Variants in UBN2 observed in about 807,000 individuals in gnomAD.
The protein encoded by UBN2 is ubinuclein-2.
A neutral mutation model predicts 120.2 loss-of-function variants in UBN2; 35 were observed. The observed-to-expected ratio is 0.29, with a 90% confidence interval of 0.22 to 0.39. The LOEUF is 0.39. Among genes scored for constraint, UBN2 ranks in the 10% least tolerant of loss-of-function variants. The pLI is 1.00. For missense variants in UBN2, 1,693 were observed against 1,663.2 expected, an observed-to-expected ratio of 1.02 and a Z score of -0.31; for synonymous variants, 661 against 648.7, an observed-to-expected ratio of 1.02 and a Z score of -0.29.
At chr7:139,321,138 T>C in the UBN2 span, among the ~76,000 whole-genome samples, 1 of 152,212 alleles carries the variant, frequency 6.6e-6, no homozygotes, top group Admixed American at 6.5e-5. Context: ...AGGTGCCAAG[T>C]ACTTCCACAT....
At chr7:139,277,784 A>G (rs964253639) in intron 12 of UBN2, 3 of 152,224 alleles carry the variant, frequency 2.0e-5, no homozygotes, top group African/African-American at 7.2e-5. Flanking sequence ...CTCAGACAAT[A>G]TACTCCAAGA....
intron 15 of UBN2, among the ~76,000 whole-genome samples, 154 bp from the exon 16 acceptor site, chr7:139,293,078 A>G (rs1307022162): frequency 6.6e-6 from 1 of 152,170 alleles, no homozygotes; most frequent in African/African-American, 2.4e-5. Flanking sequence ...AACAGCGTCT[A>G]AGGAACCTAC....
chr7:139,234,067 A>G (rs909760003), intron 1 of UBN2, among the ~76,000 whole-genome samples: 1 of 152,154 alleles, frequency 6.6e-6, no homozygotes, highest in Non-Finnish European at 1.5e-5. Flanking sequence ...GCAAGAAAGC[A>G]TAGAAAACAT....
chr7:139,291,669 A>C (rs913090559), intron 15 of UBN2, among the ~76,000 whole-genome samples: 5 of 151,848 alleles, frequency 3.3e-5, no homozygotes, highest in African/African-American at 1.2e-4. Flanking sequence ...TGAGCAACAC[A>C]GACCCCATCT....
intron 6 of UBN2, among the ~76,000 whole-genome samples, chr7:139,263,060 G>C (rs1324173604): frequency 6.6e-6 from 1 of 152,168 alleles, no homozygotes; most frequent in Non-Finnish European, 1.5e-5. Flanking sequence ...TGAGCATGAA[G>C]TCAGACACAT....
At position 139,258,610 on chromosome 7, in the gene UBN2, GCA is replaced by G; in HGVS notation, c.789_790del (p.His263GlnfsTer12). The G allele has an allele frequency of 6.3e-7, 1 of 1,597,916 alleles. No homozygotes were observed. The highest frequency in any genetic ancestry group is 1.1e-5 in the South Asian group (1 of 88,456). On this transcript the variant is annotated frameshift_variant, in exon 4 of 18. Coordinates refer to ENST00000473989, the MANE Select transcript of UBN2 (RefSeq NM_173569.4). LOFTEE classifies it high-confidence loss of function. ...AAGATGATATTACAGACAACCAAAAGCACAAGCCACCCAAGGTGAGTTTATCA... is the reference window on the plus strand; with the variant it reads ...AAGATGATATTACAGACAACCAAAAGCAAGCCACCCAAGGTGAGTTTATCA... Reference protein sequence around the residue: ...EEDDITDNQKHKPPKVPKIKE... With the variant: ...EEDDITDNQKXKPPKVPKIKE...
the UBN2 span, among the ~76,000 whole-genome samples, chr7:139,328,971 T>C: frequency 0.38 from 57,476 of 151,936 alleles, 15,047 homozygotes; most frequent in African/African-American, 0.75. Flanking sequence ...TCAGGCAGGC[T>C]GAGATGGCTC....
At position 139,283,448 on chromosome 7, in the gene UBN2, C is replaced by T; in HGVS notation, c.2543C>T (p.Ala848Val). 2 of 1,614,130 alleles carry T rather than the reference C, an allele frequency of 1.2e-6. No individual in the cohort carries two copies. Among genetic ancestry groups the T allele is most frequent in the East Asian group, 2.2e-5 (1 of 44,884 alleles). ...GTACCAAAGAAACCCCAGGATTTAG[C>T]TCATACTGGCATCTCTTCAGGCCTT... Reference protein sequence around the residue: ...GPVPKKPQDLAHTGISSGLIA... With the variant: ...GPVPKKPQDLVHTGISSGLIA... Residue 848 changes from alanine to valine, a missense_variant, in exon 15 of 18, where the codon GCT becomes GTT. Ala to Val is a moderately conservative substitution (Grantham distance 64, BLOSUM62 0). Transcript: ENST00000473989.
chr7:139,254,428 A>G (rs1418494273), intron 3 of UBN2, among the ~76,000 whole-genome samples: 1 of 152,240 alleles, frequency 6.6e-6, no homozygotes, highest in Non-Finnish European at 1.5e-5. Flanking sequence ...AAGGTTGTCA[A>G]CCAATAAATC....
chr7:139,266,839 CAAATG>C (rs1797113223), intron 7 of UBN2, among the ~76,000 whole-genome samples: 1 of 151,810 alleles, frequency 6.6e-6, no homozygotes, highest in Admixed American at 6.6e-5. Context: ...CTTTTATAGT[CAAATG>C]GAAAGTACAG....
Position 139,303,550 on chromosome 7 carries a change from C to T in UBN2, c.*5714C>T, listed in dbSNP as rs922718900. On this transcript the variant is annotated 3_prime_UTR_variant, in exon 18 of 18. Transcript: ENST00000473989. ...TATGTCTAGGGGGAATATTGTTTAA[C>T]CTTCGTGCCTCAGATTACCCATTAG... is the stretch of plus-strand genomic sequence containing the variant. 1 of 152,168 alleles carries T rather than the reference C, an allele frequency of 6.6e-6. No individual in the cohort carries two copies. Among genetic ancestry groups the T allele is most frequent in the Non-Finnish European group, 1.5e-5 (1 of 68,020 alleles). 9.4% of individuals were successfully genotyped at this position (152,168 alleles called of 1,614,324 possible). A position where few individuals can be genotyped will look rare whatever the true frequency, so the allele number is the denominator to read the frequency against.
intron 1 of UBN2, among the ~76,000 whole-genome samples, chr7:139,232,826 T>C (rs1289743238): frequency 6.6e-6 from 1 of 152,228 alleles, no homozygotes; most frequent in East Asian, 1.9e-4. Context: ...GGTATGCTTT[T>C]GATGTAAGAG....
rs914752747 is a variant in UBN2 at position 139,307,627 on chromosome 7, A to G, written c.*9791A>G. Reference sequence around the variant, plus strand: ...TTCCAGCTCAAATCGGAGCAGGAATATGGACAAACTGCTGCTACTGAACCC... The same window carrying G: ...TTCCAGCTCAAATCGGAGCAGGAATGTGGACAAACTGCTGCTACTGAACCC... On this transcript the variant is annotated 3_prime_UTR_variant, in exon 18 of 18. Coordinates refer to ENST00000473989, the MANE Select transcript of UBN2 (RefSeq NM_173569.4). 3.3e-5 allele frequency: 5 copies of G among 152,202 alleles called. No homozygotes were observed. The highest frequency in any genetic ancestry group is 7.3e-5 in the Non-Finnish European group (5 of 68,070). The allele number at this position is 152,202 out of a possible 1,614,324, so 9.4% of individuals were successfully genotyped here. A position where few individuals can be genotyped will look rare whatever the true frequency, so the allele number is the denominator to read the frequency against.
In UBN2 at chr7:139,275,725, G is replaced by C. The variant is rs528004538; in HGVS notation, c.1974-372G>C. On this transcript the variant is annotated intron_variant, in intron 11 of 17. Coordinates refer to ENST00000473989, the MANE Select transcript of UBN2 (RefSeq NM_173569.4). ...TCACCCCTATAATCTCAGCACTTTA[G>C]GAGGCCAAGGGCCACAGTGAGAGGA... Among the ~76,000 whole-genome samples, 17 of 152,266 alleles carry C rather than the reference G, an allele frequency of 1.1e-4. 1 individual carries two copies. The South Asian group carries it at 3.5e-3, about 32-fold the overall frequency.
chr7:139,317,901 G>T, the UBN2 span, among the ~76,000 whole-genome samples: 2 of 152,158 alleles, frequency 1.3e-5, no homozygotes, highest in African/African-American at 4.8e-5. Flanking sequence ...GACCTCAGGT[G>T]ACCCACCCGC....
At chr7:139,297,434 G>A (rs187012495) in intron 17 of UBN2, among the ~76,000 whole-genome samples, 2 of 152,046 alleles carry the variant, frequency 1.3e-5, no homozygotes, top group Non-Finnish European at 2.9e-5. Context: ...GTTGAAAGAT[G>A]TAGTGGGTCC....
chr7:139,278,859 T>C (rs957750487), intron 12 of UBN2, among the ~76,000 whole-genome samples: 1 of 152,172 alleles, frequency 6.6e-6, no homozygotes, highest in African/African-American at 2.4e-5. Flanking sequence ...GTTTCAAGAT[T>C]CCATAGTAAT....
chr7:139,315,709 A>G, the UBN2 span, among the ~76,000 whole-genome samples: 2 of 152,188 alleles, frequency 1.3e-5, no homozygotes, highest in African/African-American at 4.8e-5. Context: ...AGGAACTACC[A>G]AACTCTTTTC....
chr7:139,284,270 A>G lies in UBN2; in HGVS notation c.3365A>G (p.Gln1122Arg), dbSNP rs1490543799. The G allele has an allele frequency of 1.2e-6, 2 of 1,614,084 alleles. No homozygotes were observed. Among genetic ancestry groups the G allele is most frequent in the Non-Finnish European group, 1.7e-6 (2 of 1,180,044 alleles). ...CCCAGTGGAATGAACATCAGCAGAC[A>G]GTCTCCCACCTTGAATTTATTGCCC... Reference protein sequence around the residue: ...KQPSGMNISRQSPTLNLLPSS... With the variant: ...KQPSGMNISRRSPTLNLLPSS... The change falls in exon 15 of 18, where the codon CAG (glutamine) becomes CGG (arginine). Residue 1122 changes from glutamine to arginine, a missense_variant. Transcript: ENST00000473989.
Sources: allele counts gnomAD v4.1 joint callset (sites outside exome capture counted in the v4.1 genomes callset), GRCh38; gene constraint gnomAD v4.1.1; transcripts MANE v1.5; gene names NCBI Gene and HGNC (gene_info 2026-07-23, HGNC 2026-07-21).